DISC1: variants seen among roughly 807,000 people sequenced by gnomAD.
DISC1 encodes the protein DISC1 scaffold protein.
In DISC1, 57 loss-of-function variants were observed where a neutral mutation model predicts 84.5. The ratio of observed to expected loss-of-function variants is 0.67; its 90% CI spans 0.55 to 0.84. The LOEUF is 0.84. DISC1 is among the 40% of genes least tolerant of loss of function. DISC1 has a pLI of 0.00. For synonymous variants in DISC1, 411 were observed against 415.2 expected (o/e 0.99, Z 0.12); for missense variants, 1,000 against 1,057.8 (o/e 0.95, Z 0.76).
chr1:231,762,210 T>C (rs149063545), intron 4 of DISC1, among the ~76,000 whole-genome samples: 15 of 17,172 alleles, frequency 8.7e-4, no homozygotes, highest in East Asian at 5.5e-3. Context: ...TTTCTTTTCT[T>C]TTCTCTTCTT....
intron 9 of DISC1, among the ~76,000 whole-genome samples, chr1:231,867,136 C>T (rs1344874588): frequency 2.0e-5 from 3 of 152,162 alleles, no homozygotes; most frequent in African/African-American, 7.2e-5. Context: ...ACCCACCTTG[C>T]TGGTATTCTC....
intron 1 of DISC1, among the ~76,000 whole-genome samples, chr1:231,666,985 T>A (rs1341097728): frequency 6.6e-6 from 1 of 152,182 alleles, no homozygotes; most frequent in Non-Finnish European, 1.5e-5. Flanking sequence ...CAGGCGAATA[T>A]TCAAACAATG....
Position 231,747,206 on chromosome 1 carries a change from C to T in DISC1, c.1118-2720C>T, listed in dbSNP as rs1420118256. ...TTAGCCTCCCAAAGTGCTGGGATTA[C>T]AGGTGTGAGCCATTGGGCCTGGCCT... On this transcript the variant is annotated intron_variant, in intron 3 of 12. Coordinates refer to ENST00000439617, the MANE Select transcript of DISC1 (RefSeq NM_018662.3). Among the ~76,000 whole-genome samples the T allele has an allele frequency of 3.3e-5, 5 of 152,326 alleles. No homozygotes were observed. The South Asian group carries it at 6.2e-4, about 19-fold the overall frequency.
chr1:231,798,640 A>G (rs927853398), intron 7 of DISC1, among the ~76,000 whole-genome samples: 5 of 152,166 alleles, frequency 3.3e-5, no homozygotes, highest in Admixed American at 6.6e-5. Context: ...GGGAAGGGAT[A>G]TCTTCCTTTT....
In DISC1 at chr1:231,874,916, C is replaced by CAAAA. The variant is rs747303966; in HGVS notation, c.1981+56415_1981+56418dup. 6.3e-3 allele frequency among the ~76,000 whole-genome samples: 343 copies of CAAAA among 54,388 alleles called. 4 individuals carry two copies. Among genetic ancestry groups the CAAAA allele is most frequent in the African/African-American group, 0.02 (330 of 16,314 alleles). The allele number at this position is 54,388 out of a possible 152,430, so 35.7% of individuals were successfully genotyped here. A position where few individuals can be genotyped will look rare whatever the true frequency, so the allele number is the denominator to read the frequency against. On this transcript the variant is annotated intron_variant, in intron 9 of 12. Coordinates refer to ENST00000439617, the MANE Select transcript of DISC1 (RefSeq NM_018662.3). ...TGGGTGACAGAGTGAGACTCCGTCT[C>CAAAA]AAAAAAAAAAAAAAAAAAAGAATAC... is the stretch of plus-strand genomic sequence containing the variant.
At chr1:231,870,450 A>G (rs1011222320) in intron 9 of DISC1, among the ~76,000 whole-genome samples, 1 of 152,230 alleles carries the variant, frequency 6.6e-6, no homozygotes, top group African/African-American at 2.4e-5. Context: ...AGCTTGTGCT[A>G]AGTAGTTGGC....
At chr1:231,947,613 T>A (rs1414045863) in intron 9 of DISC1, among the ~76,000 whole-genome samples, 1 of 152,238 alleles carries the variant, frequency 6.6e-6, no homozygotes, top group Non-Finnish European at 1.5e-5. Flanking sequence ...AAATGGGATC[T>A]AATTAAACTA....
intron 8 of DISC1, among the ~76,000 whole-genome samples, chr1:231,815,344 G>C (rs1037095426): frequency 6.6e-6 from 1 of 152,040 alleles, no homozygotes; most frequent in Non-Finnish European, 1.5e-5. Flanking sequence ...AGTCATCATC[G>C]TCCCTCCTCT....
chr1:231,776,934 G>A (rs1229391272), intron 6 of DISC1, among the ~76,000 whole-genome samples: 1 of 152,148 alleles, frequency 6.6e-6, no homozygotes, highest in Non-Finnish European at 1.5e-5. Context: ...TTGCCCCGGG[G>A]GTAGTGCGAG....
intron 10 of DISC1, among the ~76,000 whole-genome samples, chr1:231,995,117 A>G (rs1192155108): frequency 6.6e-6 from 1 of 152,208 alleles, no homozygotes; most frequent in East Asian, 1.9e-4. Flanking sequence ...AAAATAGAAG[A>G]CAAAGGAATA....
chr1:231,850,871 C>A (rs1036127148), intron 9 of DISC1, among the ~76,000 whole-genome samples: 3 of 152,172 alleles, frequency 2.0e-5, no homozygotes, highest in Non-Finnish European at 4.4e-5. Flanking sequence ...GTTCAACCAG[C>A]CTTCAGTAGA....
intron 3 of DISC1, chr1:231,722,563 C>A (rs751872051): frequency 1.9e-6 from 3 of 1,614,150 alleles, no homozygotes; most frequent in Non-Finnish European, 1.7e-6. Flanking sequence ...TTTGGATCCA[C>A]CATGGAAGCC....
intron 6 of DISC1, among the ~76,000 whole-genome samples, chr1:231,785,452 G>GTATTAT (rs528991467): frequency 3.3e-5 from 5 of 151,138 alleles, no homozygotes; most frequent in Admixed American, 2.6e-4. Context: ...GCTAATTTTT[G>GTATTAT]TATTATTATT....
intron 2 of DISC1, among the ~76,000 whole-genome samples, chr1:231,700,106 G>A (rs1201104565): frequency 6.6e-6 from 1 of 152,094 alleles, no homozygotes; most frequent in African/African-American, 2.4e-5. Context: ...CCCTCTACCA[G>A]CATCCCTGAT....
At chr1:231,977,248 A>G (rs904707014) in intron 10 of DISC1, among the ~76,000 whole-genome samples, 2 of 152,196 alleles carry the variant, frequency 1.3e-5, no homozygotes, top group African/African-American at 4.8e-5. Flanking sequence ...ATTGTCACAA[A>G]CTTCATGACT....
At chr1:231,702,055 GTCA>G in intron 3 of DISC1, 31 bp downstream of exon 3, 1 of 1,592,168 alleles carries the variant, frequency 6.3e-7, no homozygotes, top group Non-Finnish European at 8.5e-7. Flanking sequence ...TGATTGTTTT[GTCA>G]TCATGTCCCA....
intron 6 of DISC1, among the ~76,000 whole-genome samples, chr1:231,784,134 G>A (rs975779072): frequency 2.0e-5 from 3 of 151,910 alleles, no homozygotes; most frequent in African/African-American, 4.8e-5. Context: ...ATGGTGGTGC[G>A]CACCTGTAAT....
chr1:231,706,538 A>T (rs2067123685), intron 3 of DISC1, among the ~76,000 whole-genome samples: 1 of 152,234 alleles, frequency 6.6e-6, no homozygotes, highest in Non-Finnish European at 1.5e-5. Context: ...AGGAAGGAAC[A>T]CAATTTTGGG....
At chr1:231,696,194 T>C (rs1340608419) in intron 2 of DISC1, among the ~76,000 whole-genome samples, 1 of 152,212 alleles carries the variant, frequency 6.6e-6, no homozygotes, top group African/African-American at 2.4e-5. Flanking sequence ...CTAATCTGTC[T>C]CTCATCACCA....
Sources: gnomAD v4.1 joint callset for allele counts (sites outside exome capture counted in the v4.1 genomes callset) on GRCh38, gnomAD v4.1.1 for gene constraint, MANE v1.5 for transcripts, NCBI Gene and HGNC (gene_info 2026-07-23, HGNC 2026-07-21) for gene names.